Variants in IL1RAPL2 observed in about 807,000 individuals in gnomAD.
IL1RAPL2 encodes the protein interleukin 1 receptor accessory protein like 2.
Under a neutral mutation model 44.1 loss-of-function variants are expected in IL1RAPL2, and 3 were observed. The observed-to-expected ratio is 0.07, with a 90% CI of 0.03 to 0.18. The LOEUF is 0.18. Ranked by LOEUF, IL1RAPL2 falls within the 10% of genes least tolerant of loss-of-function variation. The pLI is 1.00. For synonymous variants in IL1RAPL2, 181 were observed against 178.8 expected (o/e 1.01, Z -0.10); for missense variants, 391 against 496.4 (o/e 0.79, Z 2.02).
intron 2 of IL1RAPL2, among the ~76,000 whole-genome samples, chrX:105,175,064 T>G (rs779911073): frequency 5.4e-5 from 6 of 111,497 alleles, no homozygotes; most frequent in Non-Finnish European, 1.1e-4. Flanking sequence ...CTTATAAGGT[T>G]GTTGTGAGGA....
intron 2 of IL1RAPL2, among the ~76,000 whole-genome samples, chrX:104,796,905 A>G (rs1055380540): frequency 2.7e-5 from 3 of 110,659 alleles, no homozygotes; most frequent in Admixed American, 1.9e-4. Flanking sequence ...TGAGTAGCTG[A>G]GAGTACAGGC....
chrX:105,644,365 C>G (rs1429252840), intron 6 of IL1RAPL2, among the ~76,000 whole-genome samples: 4 of 111,082 alleles, frequency 3.6e-5, no homozygotes, highest in Non-Finnish European at 5.7e-5. Context: ...TTAAGACAAT[C>G]AAGATTTCCT....
chrX:104,660,550 T>TA (rs1930372800), intron 2 of IL1RAPL2, among the ~76,000 whole-genome samples: 1 of 99,029 alleles, frequency 1.0e-5, no homozygotes, highest in Non-Finnish European at 2.0e-5. Context: ...TATATATATA[T>TA]TTTATATATA....
At chrX:104,738,945 A>G in intron 2 of IL1RAPL2, among the ~76,000 whole-genome samples, 1 of 111,982 alleles carries the variant, frequency 8.9e-6, no homozygotes, top group Non-Finnish European at 1.9e-5. Context: ...GTCTCTTAAA[A>G]CAAACAAGAA....
rs1404655918 is a variant in IL1RAPL2, at chrX:105,074,540, A to C, written c.83-120935A>C. The stretch of plus-strand genomic sequence containing the variant: ...GCAATGCTGGCTCTTTTTTGGTTCC[A>C]TATGAACTTTAAAGTAGTTTTTTCC... On this transcript the variant is annotated intron_variant, in intron 2 of 10. Coordinates refer to ENST00000372582, the MANE Select transcript of IL1RAPL2 (RefSeq NM_017416.2). Among the ~76,000 whole-genome samples, 3 of 109,552 alleles carry C rather than the reference A, an allele frequency of 2.7e-5. No homozygotes were observed. The East Asian group carries it at 8.6e-4, about 32-fold the overall frequency.
At chrX:105,125,295 T>C (rs2032963634) in intron 2 of IL1RAPL2, among the ~76,000 whole-genome samples, 1 of 110,932 alleles carries the variant, frequency 9.0e-6, no homozygotes, top group African/African-American at 3.3e-5. Context: ...TAAATGTGTG[T>C]TGAACGTATA....
intron 5 of IL1RAPL2, among the ~76,000 whole-genome samples, chrX:105,348,936 A>G (rs1401596790): frequency 8.9e-6 from 1 of 111,833 alleles, no homozygotes. Context: ...GAAGGAACTC[A>G]GATAAGACAA....
At chrX:105,407,866 TTACAC>T (rs1015751179) in intron 5 of IL1RAPL2, among the ~76,000 whole-genome samples, 10 of 111,942 alleles carry the variant, frequency 8.9e-5, no homozygotes, top group Admixed American at 2.8e-4. Context: ...TTCTATCTAT[TTACAC>T]TATTAGCTTA....
chrX:105,699,720 A>G (rs986829094), intron 6 of IL1RAPL2, among the ~76,000 whole-genome samples: 1 of 111,268 alleles, frequency 9.0e-6, no homozygotes, highest in Non-Finnish European at 1.9e-5. Context: ...AGCTAGATGC[A>G]ATTCTTAGAG....
At chrX:104,735,706 G>A (rs763614798) in intron 2 of IL1RAPL2, among the ~76,000 whole-genome samples, 1 of 111,306 alleles carries the variant, frequency 9.0e-6, no homozygotes, top group African/African-American at 3.3e-5. Context: ...GGCAGTGGGT[G>A]GGAGTATGTT....
intron 6 of IL1RAPL2, among the ~76,000 whole-genome samples, chrX:105,500,124 G>A (rs1187131706): frequency 1.8e-5 from 2 of 111,363 alleles, no homozygotes; most frequent in Non-Finnish European, 3.8e-5. Flanking sequence ...GGTTTTTAAA[G>A]TAGTGAAACT....
intron 2 of IL1RAPL2, among the ~76,000 whole-genome samples, chrX:104,884,120 G>A (rs769218497): frequency 1.8e-5 from 2 of 109,700 alleles, no homozygotes; most frequent in Non-Finnish European, 3.8e-5. Context: ...CAAGGGTGCA[G>A]GTTTTTGAGA....
chrX:105,153,605 T>G (rs1219305265), intron 2 of IL1RAPL2, among the ~76,000 whole-genome samples: 1 of 111,801 alleles, frequency 8.9e-6, no homozygotes, highest in Non-Finnish European at 1.9e-5. Flanking sequence ...CAGCTTGGCT[T>G]TATACATTTT....
intron 2 of IL1RAPL2, among the ~76,000 whole-genome samples, chrX:104,841,002 C>T (rs1921887636): frequency 9.0e-6 from 1 of 110,914 alleles, no homozygotes; most frequent in African/African-American, 3.3e-5. Context: ...AAGTCTCCCA[C>T]TGTTATTGTG....
intron 2 of IL1RAPL2, among the ~76,000 whole-genome samples, chrX:104,709,279 C>T (rs1931413643): frequency 9.1e-6 from 1 of 110,164 alleles, no homozygotes; most frequent in Admixed American, 9.7e-5. Flanking sequence ...TGGATAATGG[C>T]AAACCCACTA....
intron 2 of IL1RAPL2, among the ~76,000 whole-genome samples, chrX:104,678,184 C>G (rs933647836): frequency 8.9e-6 from 1 of 112,444 alleles, no homozygotes; most frequent in South Asian, 3.7e-4. Context: ...TTACAAAAAG[C>G]CTTAAGAAAA....
At chrX:105,280,992 T>A (rs1329839032) in intron 5 of IL1RAPL2, among the ~76,000 whole-genome samples, 1 of 111,344 alleles carries the variant, frequency 9.0e-6, no homozygotes, top group Non-Finnish European at 1.9e-5. Flanking sequence ...ATTGCAGCAC[T>A]CTTCACAATA....
At chrX:105,031,119 C>G (rs1211684127) in intron 2 of IL1RAPL2, among the ~76,000 whole-genome samples, 1 of 110,335 alleles carries the variant, frequency 9.1e-6, no homozygotes, top group Admixed American at 9.8e-5. Flanking sequence ...GCTGAATTTG[C>G]TTATCAGCTT....
chrX:104,810,245 C>T (rs910783466), intron 2 of IL1RAPL2, among the ~76,000 whole-genome samples: 31 of 109,684 alleles, frequency 2.8e-4, no homozygotes, highest in Non-Finnish European at 1.1e-4. Flanking sequence ...AGGGGAACAT[C>T]ACACTCTGGG....
Sources: gnomAD v4.1 joint callset for allele counts (sites outside exome capture counted in the v4.1 genomes callset) on GRCh38, gnomAD v4.1.1 for gene constraint, MANE v1.5 for transcripts, NCBI Gene and HGNC (gene_info 2026-07-23, HGNC 2026-07-21) for gene names.